The following DDX60 variants were observed in gnomAD, a reference collection of about 807,000 sequenced individuals.
The protein encoded by DDX60 is probable ATP-dependent RNA helicase DDX60.
Under a neutral mutation model 212.8 loss-of-function variants are expected in DDX60, and 165 were observed. The observed-to-expected ratio is 0.78, with a 90% confidence interval of 0.68 to 0.88. DDX60 has a LOEUF of 0.88. DDX60 is among the 40% of genes least tolerant of loss of function. DDX60 has a pLI of 0.00. For missense variants in DDX60, 1,905 were observed against 2,003.9 expected (o/e 0.95, Z 0.94); for synonymous variants, 703 against 685.3 (o/e 1.03, Z -0.40).
In DDX60 at chr4:168,306,467, A is replaced by G. The variant is rs778878892; in HGVS notation, c.518T>C (p.Val173Ala). Residue 173 changes from valine to alanine, a missense_variant, in exon 5 of 38, where the codon GTA (valine) becomes GCA (alanine). Physicochemically the swap from Val to Ala is moderately conservative, Grantham distance 64 (BLOSUM62 0). Transcript: ENST00000393743. ...ATCAGATTCTTGCCCTGAGGAAAGT[A>G]CAACGTTGACCTTCCTTGCCCAAGA... ...IHSWARKVNV[V>A]LSSGQESDVL... 1 of 1,614,184 alleles carries G rather than the reference A, an allele frequency of 6.2e-7. No homozygotes were observed. The highest frequency in any genetic ancestry group is 8.5e-7 in the Non-Finnish European group (1 of 1,180,012).
intron 30 of DDX60, among the ~76,000 whole-genome samples, chr4:168,242,707 C>T (rs757225290): frequency 5.9e-5 from 9 of 152,218 alleles, no homozygotes; most frequent in Non-Finnish European, 1.2e-4. Flanking sequence ...AAGGGACTTG[C>T]CTTGTCTCAG....
intron 14 of DDX60, among the ~76,000 whole-genome samples, chr4:168,278,972 C>A (rs1735469950): frequency 6.6e-6 from 1 of 152,110 alleles, no homozygotes; most frequent in African/African-American, 2.4e-5. Context: ...GTGATGAAAC[C>A]AGGCTCTTCT....
At chr4:168,263,846 AT>A (rs1399377937) in intron 22 of DDX60, among the ~76,000 whole-genome samples, 1 of 152,204 alleles carries the variant, frequency 6.6e-6, no homozygotes, top group Non-Finnish European at 1.5e-5. Context: ...AGCCTGTTGA[AT>A]GGGCTAAGAG....
chr4:168,233,101 G>T (rs1461123952), intron 33 of DDX60, among the ~76,000 whole-genome samples: 1 of 151,884 alleles, frequency 6.6e-6, no homozygotes, highest in Admixed American at 6.6e-5. Flanking sequence ...ACAAACATAT[G>T]AAAAAAATGC....
intron 6 of DDX60, among the ~76,000 whole-genome samples, chr4:168,297,382 G>GAGAGAGAGAGAGAGAAAGAA (rs1560870698): frequency 1.0e-4 from 4 of 39,918 alleles, no homozygotes; most frequent in Non-Finnish European, 1.7e-4. Context: ...AAGAAAGAAA[G>GAGAGAGAGAGAGAGAAAGAA]AGAAAGAAAG....
chr4:168,246,800 C>A (rs1368463366), intron 29 of DDX60, among the ~76,000 whole-genome samples, 182 bp from the exon 30 acceptor site: 1 of 152,102 alleles, frequency 6.6e-6, no homozygotes, highest in Non-Finnish European at 1.5e-5. Context: ...TGAGATAGAT[C>A]TAAAAACTGA....
chr4:168,271,814 C>T (rs569460335), intron 19 of DDX60, among the ~76,000 whole-genome samples: 1 of 152,032 alleles, frequency 6.6e-6, no homozygotes, highest in Non-Finnish European at 1.5e-5. Flanking sequence ...TGAAAGATTC[C>T]ACTCCCATAC....
chr4:168,280,601 G>A lies in DDX60; in HGVS notation c.1723-11C>T. ...TTCAGCCTTGGTCTCCTGCCCCAAA[G>A]GAAAAAACATCTCTTAAGACAAGTT... On this transcript the variant is annotated splice_polypyrimidine_tract_variant and intron_variant, in intron 13 of 37. Transcript: ENST00000393743. 1.9e-6 allele frequency: 3 copies of A among 1,591,692 alleles called. No homozygotes were observed. The highest frequency in any genetic ancestry group is 2.6e-6 in the Non-Finnish European group (3 of 1,172,750).
In DDX60 at chr4:168,252,595, G is replaced by T. The variant is rs375115039; in HGVS notation, c.3619C>A (p.His1207Asn). ...TCTAGACACTTCACTAGATTATCAT[G>T]TTCAGCTTCATGTATTAGGCTTTGA... ...VDQSLIHEAEHDNLVKCLEKN... is the reference protein window; with the variant it reads ...VDQSLIHEAENDNLVKCLEKN... Residue 1207 changes from histidine to asparagine, a missense_variant, in exon 27 of 38, where the codon CAT (histidine) becomes AAT (asparagine). His to Asn is a moderately conservative substitution (Grantham distance 68). Transcript: ENST00000393743. 7 of 1,613,412 alleles carry T rather than the reference G, an allele frequency of 4.3e-6. No individual in the cohort carries two copies. The highest frequency in any genetic ancestry group is 5.9e-6 in the Non-Finnish European group (7 of 1,179,664).
At chr4:168,275,824 T>C (rs1198751317) in intron 15 of DDX60, among the ~76,000 whole-genome samples, 191 bp downstream of exon 15, 1 of 152,154 alleles carries the variant, frequency 6.6e-6, no homozygotes, top group African/African-American at 2.4e-5. Flanking sequence ...TTAATCTGTT[T>C]GTCCAGGTAA....
Position 168,275,399 on chromosome 4 carries a change from A to G in DDX60, c.2250T>C (p.Asp750=). Residue 750 remains aspartate (D), a synonymous_variant, in exon 16 of 38, where the codon GAT becomes GAC. Coordinates refer to ENST00000393743, the MANE Select transcript of DDX60 (RefSeq NM_017631.6). ...LQYMGHYLIR[D]ERKDPDPRVQ... ...CCCTGGGATCTGGGTCTTTTCTCTC[A>G]TCTCGTATCAAATAATGGCCCATGT... The G allele has an allele frequency of 1.2e-6, 2 of 1,612,726 alleles. No homozygotes were observed. Among genetic ancestry groups the G allele is most frequent in the Non-Finnish European group, 1.7e-6 (2 of 1,179,402 alleles).
At chr4:168,285,129 C>A (rs78256947) in intron 11 of DDX60, among the ~76,000 whole-genome samples, 194 bp from the exon 12 acceptor site, 2,597 of 152,180 alleles carry the variant, frequency 0.017, 123 homozygotes, top group East Asian at 0.14. Context: ...CTAACAGTCC[C>A]ATCAATATCA....
In DDX60 at chr4:168,269,622, A is replaced by G. The variant is rs1041461711; in HGVS notation, c.2671-653T>C. On this transcript the variant is annotated intron_variant, in intron 19 of 37. Transcript: ENST00000393743. ...TCTCAAAAAAAAAAAGTTTAAAAAG[A>G]TAAACTATATCAAGTCATGTCACTA... Among the ~76,000 whole-genome samples the G allele has an allele frequency of 6.6e-4, 101 of 152,106 alleles. 1 individual carries two copies. Among genetic ancestry groups the G allele is most frequent in the Admixed American group, 1.7e-3 (26 of 15,282 alleles).
chr4:168,255,943 C>G, intron 25 of DDX60, 74 bp from the exon 26 acceptor site: 3 of 1,441,188 alleles, frequency 2.1e-6, no homozygotes, highest in Non-Finnish European at 2.8e-6. Flanking sequence ...CCATCTACTA[C>G]TATCATCCCG....
chr4:168,298,623 A>G (rs1170562144), intron 6 of DDX60, among the ~76,000 whole-genome samples: 1 of 152,190 alleles, frequency 6.6e-6, no homozygotes, highest in Admixed American at 6.5e-5. Flanking sequence ...AAGAAACTCT[A>G]TAGAGAAACT....
rs1736682739 is a variant in DDX60 at position 168,302,350 on chromosome 4, C to T, written c.673G>A (p.Ala225Thr). ...AAACTTCCAAAAAGAGGTGCTAATG[C>T]TGAAAGCTTAAATCTTTCCAACTGG... Reference protein sequence around the residue: ...LNQLERFKLSALAPLFGSLKW... With the variant: ...LNQLERFKLSTLAPLFGSLKW... The change falls in exon 6 of 38, where the codon GCA (alanine) becomes ACA (threonine). Residue 225 changes from alanine to threonine, a missense_variant. Coordinates refer to ENST00000393743, the MANE Select transcript of DDX60 (RefSeq NM_017631.6). 1 of 1,593,884 alleles carries T rather than the reference C, an allele frequency of 6.3e-7. No individual in the cohort carries two copies. Among genetic ancestry groups the T allele is most frequent in the African/African-American group, 1.3e-5 (1 of 74,264 alleles).
chr4:168,248,597 A>G (rs1734103209), intron 28 of DDX60, among the ~76,000 whole-genome samples: 1 of 152,078 alleles, frequency 6.6e-6, no homozygotes, highest in Non-Finnish European at 1.5e-5. Flanking sequence ...CACCCCTACC[A>G]TCATTATCTA....
chr4:168,295,978 G>A (rs899743158), intron 6 of DDX60, among the ~76,000 whole-genome samples: 2 of 152,278 alleles, frequency 1.3e-5, no homozygotes, highest in African/African-American at 4.8e-5. Flanking sequence ...AAATAGAGAA[G>A]AGAAACTCTT....
intron 33 of DDX60, among the ~76,000 whole-genome samples, chr4:168,228,465 CCTT>C (rs1339180645): frequency 1.3e-5 from 2 of 151,520 alleles, no homozygotes; most frequent in Non-Finnish European, 2.9e-5. Context: ...TTTTCTCTTC[CCTT>C]CTTGTTTTTA....
Sources: gnomAD v4.1 joint callset for allele counts (sites outside exome capture counted in the v4.1 genomes callset) on GRCh38, gnomAD v4.1.1 for gene constraint, MANE v1.5 for transcripts, NCBI Gene and HGNC (gene_info 2026-07-23, HGNC 2026-07-21) for gene names.